LRRC63: variants seen among roughly 807,000 people sequenced by gnomAD.
LRRC63 encodes the protein leucine rich repeat containing 63.
LRRC63 carries 40 observed loss-of-function variants against 49.5 expected under a neutral mutation model. That is an observed-to-expected ratio of 0.81 (90% confidence interval 0.63 to 1.05). The LOEUF (loss-of-function observed/expected upper bound fraction) is 1.05, where lower values mean the gene tolerates loss of function less well. LRRC63 is among the 50% of genes least tolerant of loss of function. LRRC63 has a pLI of 0.00. For synonymous variants in LRRC63, 191 were observed against 221.1 expected, an observed-to-expected ratio of 0.86 and a Z score of 1.21; for missense variants, 636 against 663.1, an observed-to-expected ratio of 0.96 and a Z score of 0.45.
intron 7 of LRRC63, among the ~76,000 whole-genome samples, chr13:46,258,320 G>A (rs1018653728): frequency 3.3e-5 from 5 of 149,796 alleles, no homozygotes; most frequent in South Asian, 2.1e-4. Flanking sequence ...TAGTAGAGAC[G>A]GGGTTTCACC....
chr13:46,247,426 AG>A (rs983154503), intron 6 of LRRC63, among the ~76,000 whole-genome samples: 1 of 152,144 alleles, frequency 6.6e-6, no homozygotes, highest in African/African-American at 2.4e-5. Context: ...CTTTCTTCTA[AG>A]TAGATACAGA....
exon 3 of LRRC63, chr13:46,227,970 C>T (rs1243023642): frequency 3.2e-6 from 5 of 1,550,894 alleles, no homozygotes; most frequent in Non-Finnish European, 4.4e-6. Context: ...TCAACCTTTA[C>T]CAGAGAGTCC....
chr13:46,219,928 C>T (rs939076423), intron 2 of LRRC63, among the ~76,000 whole-genome samples: 10 of 152,216 alleles, frequency 6.6e-5, no homozygotes, highest in African/African-American at 2.4e-4. Flanking sequence ...GTATCACCAG[C>T]GGAGCCTGCA....
intron 7 of LRRC63, among the ~76,000 whole-genome samples, chr13:46,255,645 A>AAAAAAAAAAAAATATATATATATATATAT (rs1555328641): frequency 1.5e-5 from 2 of 129,468 alleles, no homozygotes; most frequent in African/African-American, 5.8e-5. Context: ...CCCTGCCTCA[A>AAAAAAAAAAAAATATATATATATATATAT]ATATATATAT....
At chr13:46,249,893 C>G (rs114916956) in intron 6 of LRRC63, 1 of 151,866 alleles carries the variant, frequency 6.6e-6, no homozygotes, top group Non-Finnish European at 1.5e-5. Flanking sequence ...AAATGGTTTA[C>G]TCTATTTTTT....
chr13:46,273,340 A>G (rs2047785244), intron 9 of LRRC63, among the ~76,000 whole-genome samples: 1 of 152,078 alleles, frequency 6.6e-6, no homozygotes, highest in Non-Finnish European at 1.5e-5. Flanking sequence ...GCGGTGGCTC[A>G]CTCCTGTAAT....
At chr13:46,220,447 G>A (rs1487955142) in intron 2 of LRRC63, among the ~76,000 whole-genome samples, 1 of 152,062 alleles carries the variant, frequency 6.6e-6, no homozygotes, top group Admixed American at 6.5e-5. Flanking sequence ...GATGGCAGAC[G>A]CCCCTCCCCC....
intron 6 of LRRC63, among the ~76,000 whole-genome samples, chr13:46,248,180 CT>C (rs2047270088): frequency 6.6e-6 from 1 of 151,780 alleles, no homozygotes; most frequent in Non-Finnish European, 1.5e-5. Context: ...AACATATTCA[CT>C]TGATGCAAAA....
At chr13:46,255,948 G>T (rs1243959382) in intron 7 of LRRC63, among the ~76,000 whole-genome samples, 3 of 152,046 alleles carry the variant, frequency 2.0e-5, no homozygotes, top group African/African-American at 7.2e-5. Context: ...AATTATAAAA[G>T]TTGATTGATA....
intron 8 of LRRC63, among the ~76,000 whole-genome samples, chr13:46,265,220 G>T (rs2047668260): frequency 6.6e-6 from 1 of 152,126 alleles, no homozygotes; most frequent in Admixed American, 6.5e-5. Flanking sequence ...GAAGGAGGCA[G>T]CTAAACAGGT....
chr13:46,270,629 A>G, intron 9 of LRRC63: 1 of 821,314 alleles, frequency 1.2e-6, no homozygotes, highest in Non-Finnish European at 2.1e-6. Flanking sequence ...ATGAGGACTG[A>G]CATGGAGCAA....
chr13:46,263,037 G>C (rs1160701999), intron 8 of LRRC63, among the ~76,000 whole-genome samples: 1 of 152,050 alleles, frequency 6.6e-6, no homozygotes, highest in Non-Finnish European at 1.5e-5. Context: ...GGAGAATTCA[G>C]TCTGTTCATA....
chr13:46,256,006 TG>T (rs1243135772), intron 7 of LRRC63, among the ~76,000 whole-genome samples: 1 of 152,208 alleles, frequency 6.6e-6, no homozygotes, highest in South Asian at 2.1e-4. Context: ...ACATACATTT[TG>T]GGGATTCACC....
At chr13:46,261,962 C>T (rs1173649949) in exon 8 of LRRC63, 3 of 1,175,554 alleles carry the variant, frequency 2.6e-6, no homozygotes, top group Non-Finnish European at 2.2e-6. Flanking sequence ...AATGAACTTA[C>T]TTTTATTCCA....
chr13:46,216,572 A>G (rs1020374764), intron 2 of LRRC63, among the ~76,000 whole-genome samples: 2 of 151,922 alleles, frequency 1.3e-5, no homozygotes, highest in Admixed American at 6.6e-5. Context: ...AACAGAGACA[A>G]TTTGACTTCC....
intron 5 of LRRC63, among the ~76,000 whole-genome samples, chr13:46,245,141 C>T (rs2047178502): frequency 6.6e-6 from 1 of 152,208 alleles, no homozygotes; most frequent in South Asian, 2.1e-4. Context: ...GTCAATTCAT[C>T]AAGAACACAG....
intron 6 of LRRC63, among the ~76,000 whole-genome samples, chr13:46,248,349 A>G (rs1296984027): frequency 6.6e-6 from 1 of 152,026 alleles, no homozygotes; most frequent in Non-Finnish European, 1.5e-5. Flanking sequence ...ACAAAATTAT[A>G]CAAGTTCTTA....
At position 46,225,011 on chromosome 13, in the gene LRRC63, C is replaced by G. The variant is rs1325498944; in HGVS notation, c.86-2501C>G. Among the ~76,000 whole-genome samples, 7 of 152,086 alleles carry G rather than the reference C, an allele frequency of 4.6e-5. No individual in the cohort carries two copies. In the East Asian group the frequency reaches 1.3e-3, roughly 29 times the overall value. On this transcript the variant is annotated intron_variant, in intron 2 of 9. Transcript: ENST00000595396. ...CCTGTGTTGGCAGTTACTGGTGGGC[C>G]GGTTCCTGGGCCTTAGGTGGTTTGC...
chr13:46,223,257 T>C (rs113444269), intron 2 of LRRC63, among the ~76,000 whole-genome samples: 285 of 152,234 alleles, frequency 1.9e-3, no homozygotes, highest in African/African-American at 6.6e-3. Flanking sequence ...AAGGGTGTCC[T>C]TTCCCCAGTG....
Sources: gnomAD v4.1 joint callset for allele counts (sites outside exome capture counted in the v4.1 genomes callset) on GRCh38, gnomAD v4.1.1 for gene constraint, MANE v1.5 for transcripts, NCBI Gene and HGNC (gene_info 2026-07-23, HGNC 2026-07-21) for gene names.